Variants in RBFOX1 observed in about 807,000 individuals in gnomAD.
RBFOX1 encodes RNA binding protein fox-1 homolog 1.
A neutral mutation model predicts 57.7 loss-of-function variants in RBFOX1; 8 were observed. The observed-to-expected ratio is 0.14, with a 90% CI of 0.08 to 0.25. The LOEUF (loss-of-function observed/expected upper bound fraction) is 0.25, where lower values mean the gene tolerates loss of function less well. RBFOX1 is among the 10% of genes least tolerant of loss of function. RBFOX1 has a pLI of 1.00. For synonymous variants in RBFOX1, 326 were observed against 222.4 expected (o/e 1.47, Z -4.15); for missense variants, 611 against 548.5 (o/e 1.11, Z -1.14).
chr16:7,544,228 C>G (rs1462062135), intron 5 of RBFOX1, among the ~76,000 whole-genome samples: 4 of 152,146 alleles, frequency 2.6e-5, no homozygotes, highest in Non-Finnish European at 5.9e-5. Context: ...ATGGTGATGT[C>G]TTTAGGGAAA....
At chr16:6,527,332 G>A (rs1438901153) in intron 2 of RBFOX1, among the ~76,000 whole-genome samples, 1 of 151,904 alleles carries the variant, frequency 6.6e-6, no homozygotes, top group East Asian at 1.9e-4. Context: ...GTGTGTATGT[G>A]TGTGTATGTG....
intron 1 of RBFOX1, among the ~76,000 whole-genome samples, chr16:6,030,422 T>C (rs974848): frequency 0.65 from 99,297 of 152,130 alleles, 33,523 homozygotes; most frequent in Non-Finnish European, 0.74. Flanking sequence ...CAGTAGTAAA[T>C]AGAATTTGAT....
chr16:7,080,890 C>T (rs552615517), intron 4 of RBFOX1, among the ~76,000 whole-genome samples: 2 of 152,268 alleles, frequency 1.3e-5, no homozygotes, highest in South Asian at 2.1e-4. Flanking sequence ...TAAGTCATTC[C>T]CTCCTTGACG....
chr16:6,971,866 G>A (rs906718054), intron 3 of RBFOX1, among the ~76,000 whole-genome samples: 3 of 152,110 alleles, frequency 2.0e-5, no homozygotes, highest in Non-Finnish European at 2.9e-5. Flanking sequence ...CTAATTCCCT[G>A]CAGTGATCCG....
chr16:5,875,543 A>G (rs1411422015), intron 4 of RBFOX1, among the ~76,000 whole-genome samples: 2 of 152,210 alleles, frequency 1.3e-5, no homozygotes, highest in East Asian at 1.9e-4. Context: ...TAAGCATATT[A>G]TTTGGTGCGT....
At chr16:6,021,791 T>C (rs562911327) in intron 1 of RBFOX1, among the ~76,000 whole-genome samples, 5 of 152,318 alleles carry the variant, frequency 3.3e-5, no homozygotes, top group Admixed American at 3.3e-4. Flanking sequence ...GAGCTTCGGG[T>C]TGTCACCTGT....
rs2081001649 is a variant in RBFOX1 at position 6,315,559 on chromosome 16, GGATGGATGGATGGATGGATAGATGGA to G, written c.-126-1435_-126-1410del. ...TGGATGGATGGATGGATGGATGGAT[GGATGGATGGATGGATGGATAGATGGA>G]TGGATGGATAGATGGATGGATGAAT... On this transcript the variant is annotated intron_variant, in intron 1 of 15. Coordinates refer to ENST00000550418, the MANE Select transcript of RBFOX1 (RefSeq NM_018723.4). 6.9e-5 allele frequency among the ~76,000 whole-genome samples: 5 copies of G among 72,244 alleles called. No individual in the cohort carries two copies. In the South Asian group the frequency reaches 1.9e-3, roughly 28 times the overall value. 47.4% of individuals were successfully genotyped at this position (72,244 alleles called of 152,430 possible). A position where few individuals can be genotyped will look rare whatever the true frequency, so the allele number is the denominator to read the frequency against.
rs189263704 is a variant in RBFOX1 at position 6,847,526 on chromosome 16, G to A, written c.-16+192876G>A. 1.4e-4 allele frequency among the ~76,000 whole-genome samples: 21 copies of A among 152,212 alleles called. 1 individual carries two copies. In the South Asian group the frequency reaches 3.3e-3, roughly 24 times the overall value. Reference sequence around the variant, plus strand: ...CGTTTTATTGGCCAAAGCATGATACGCAACTGATGGCACAGTCAAGGTGTA... The same window carrying A: ...CGTTTTATTGGCCAAAGCATGATACACAACTGATGGCACAGTCAAGGTGTA... On this transcript the variant is annotated intron_variant, in intron 3 of 15. Coordinates refer to ENST00000550418, the MANE Select transcript of RBFOX1 (RefSeq NM_018723.4).
intron 2 of RBFOX1, among the ~76,000 whole-genome samples, chr16:6,414,279 G>A (rs2093557974): frequency 6.6e-6 from 1 of 152,206 alleles, no homozygotes; most frequent in Admixed American, 6.5e-5. Flanking sequence ...ATGTACTTGT[G>A]TATGTAGACA....
intron 4 of RBFOX1, among the ~76,000 whole-genome samples, chr16:7,067,601 T>G (rs1386745861): frequency 6.6e-6 from 1 of 152,010 alleles, no homozygotes; most frequent in African/African-American, 2.4e-5. Context: ...TAGTTACGTA[T>G]GTATACATGT....
At chr16:5,262,932 G>C (rs1467883410) in intron 1 of RBFOX1, among the ~76,000 whole-genome samples, 4 of 152,184 alleles carry the variant, frequency 2.6e-5, no homozygotes, top group Non-Finnish European at 2.9e-5. Flanking sequence ...TGGGGACATG[G>C]GTTGGAGGGT....
At chr16:7,127,285 T>C (rs946924395) in intron 4 of RBFOX1, among the ~76,000 whole-genome samples, 2 of 152,188 alleles carry the variant, frequency 1.3e-5, no homozygotes, top group Non-Finnish European at 2.9e-5. Flanking sequence ...ATATTATCCA[T>C]AGTACTTATG....
chr16:5,532,627 A>G (rs558586010), intron 2 of RBFOX1, among the ~76,000 whole-genome samples: 1 of 152,228 alleles, frequency 6.6e-6, no homozygotes, highest in Non-Finnish European at 1.5e-5. Context: ...TGTGGCAAAG[A>G]TAGAGGTTCT....
chr16:5,890,053 C>T (rs892171054), intron 4 of RBFOX1, among the ~76,000 whole-genome samples: 2 of 152,124 alleles, frequency 1.3e-5, no homozygotes, highest in Non-Finnish European at 2.9e-5. Context: ...CTGGCAGTTC[C>T]GTGTGTTCCA....
intron 1 of RBFOX1, among the ~76,000 whole-genome samples, chr16:6,162,923 G>A (rs889735748): frequency 6.6e-6 from 1 of 152,052 alleles, no homozygotes; most frequent in African/African-American, 2.4e-5. Context: ...TAGTAGAGAC[G>A]AGGTTTTGCC....
intron 2 of RBFOX1, among the ~76,000 whole-genome samples, chr16:5,469,943 G>A (rs2069078457): frequency 6.6e-6 from 1 of 152,208 alleles, no homozygotes; most frequent in Non-Finnish European, 1.5e-5. Flanking sequence ...ATTGCAAAGA[G>A]TGTGCCACCA....
At chr16:5,703,461 C>T (rs1596841437) in intron 3 of RBFOX1, among the ~76,000 whole-genome samples, 1 of 152,170 alleles carries the variant, frequency 6.6e-6, no homozygotes, top group East Asian at 1.9e-4. Context: ...CTGGGAGTGG[C>T]ATGAGGCGAA....
In RBFOX1 at chr16:7,425,515, G is replaced by A. The variant is rs377034459; in HGVS notation, c.28-92632G>A. The stretch of plus-strand genomic sequence containing the variant: ...TTTATATCAGGATGAATCATGTTTC[G>A]ACTTTAAATATCACCTTATTTCTGG... On this transcript the variant is annotated intron_variant, in intron 4 of 15. Coordinates refer to ENST00000550418, the MANE Select transcript of RBFOX1 (RefSeq NM_018723.4). 9.9e-5 allele frequency among the ~76,000 whole-genome samples: 15 copies of A among 152,224 alleles called. No individual in the cohort carries two copies. The East Asian group carries it at 1.7e-3, about 18-fold the overall frequency.
intron 1 of RBFOX1, among the ~76,000 whole-genome samples, chr16:5,331,484 G>T (rs1472962262): frequency 6.6e-6 from 1 of 152,218 alleles, no homozygotes; most frequent in African/African-American, 2.4e-5. Flanking sequence ...TTTTATGTCT[G>T]TCTTACCAAT....
Sources: allele counts gnomAD v4.1 joint callset (sites outside exome capture counted in the v4.1 genomes callset), GRCh38; gene constraint gnomAD v4.1.1; transcripts MANE v1.5; gene names NCBI Gene and HGNC (gene_info 2026-07-23, HGNC 2026-07-21).